NTN1: variants seen among roughly 807,000 people sequenced by gnomAD.
NTN1 encodes the protein netrin 1, also known as netrin-1.
Under a neutral mutation model 54.2 loss-of-function variants are expected in NTN1, and 11 were observed. The ratio of observed to expected loss-of-function variants is 0.20; its 90% confidence interval spans 0.13 to 0.34. The LOEUF is 0.34. Ranked by LOEUF, NTN1 falls within the 10% of genes least tolerant of loss-of-function variation. The pLI is 1.00. For missense variants in NTN1, 740 were observed against 893.1 expected (o/e 0.83, Z 2.18); for synonymous variants, 371 against 382.0 (o/e 0.97, Z 0.33).
rs146020999 is a variant in NTN1, at chr17:9,022,892, C to T, written c.519C>T (p.Pro173=). ...TGGACTACGGGCGCACGTGGGTGCC[C>T]TTCCAGTTCTACTCCACGCAGTGCC... The part of the protein sequence containing the change: ...KSMDYGRTWV[P]FQFYSTQCRK... Residue 173 remains proline, a synonymous_variant, in exon 2 of 7, where the codon CCC becomes CCT. Coordinates refer to ENST00000173229, the MANE Select transcript of NTN1 (RefSeq NM_004822.3). 2.0e-4 allele frequency: 325 copies of T among 1,612,312 alleles called. 2 individuals are homozygous for T. In the Middle Eastern group the frequency reaches 3.1e-3, roughly 16 times the overall value.
At chr17:9,141,145 CAAA>C (rs922197242) in intron 2 of NTN1, among the ~76,000 whole-genome samples, 1 of 151,760 alleles carries the variant, frequency 6.6e-6, no homozygotes, top group African/African-American at 2.4e-5. Flanking sequence ...GTCAGAAGCT[CAAA>C]GAAGATGTGG....
chr17:9,176,059 C>G (rs946141228), intron 3 of NTN1: 3 of 152,248 alleles, frequency 2.0e-5, no homozygotes, highest in African/African-American at 7.2e-5. Context: ...TAGGGAGGCT[C>G]TCTCTTTGTC....
At chr17:9,016,736 C>A (rs1204677015), upstream of NTN1, among the ~76,000 whole-genome samples, 1 of 152,104 alleles carries the variant, frequency 6.6e-6, no homozygotes, top group Non-Finnish European at 1.5e-5. Context: ...ATCATATCAG[C>A]CACCCACTCC....
intron 2 of NTN1, among the ~76,000 whole-genome samples, chr17:9,147,818 T>C (rs1370507547): frequency 1.3e-5 from 2 of 152,234 alleles, no homozygotes; most frequent in African/African-American, 4.8e-5. Context: ...TTAAATCTCA[T>C]AGACACTTTA....
chr17:9,221,349 C>A lies in NTN1; in HGVS notation c.1486+107C>A. 7.2e-6 allele frequency: 6 copies of A among 838,042 alleles called. No individual in the cohort carries two copies. Among genetic ancestry groups the A allele is most frequent in the South Asian group, 1.3e-5 (1 of 74,126 alleles). 51.9% of individuals were successfully genotyped at this position (838,042 alleles called of 1,614,324 possible). On this transcript the variant is annotated intron_variant, in intron 6 of 6. Transcript: ENST00000173229. The surrounding 1 kb of genome is among the most constrained non-coding windows in gnomAD (Gnocchi z 4.5). Reference sequence around the variant, plus strand: ...CCCCGATGGGTGTTGGTCGTGAAGACCCTGTGACCGATGGGAACTAGCCGG... The same window carrying A: ...CCCCGATGGGTGTTGGTCGTGAAGAACCTGTGACCGATGGGAACTAGCCGG...
At chr17:9,105,345 G>A (rs968482854) in intron 2 of NTN1, among the ~76,000 whole-genome samples, 1 of 152,118 alleles carries the variant, frequency 6.6e-6, no homozygotes, top group African/African-American at 2.4e-5. Flanking sequence ...TCACCTCTCC[G>A]GGCCTTTTCT....
chr17:9,227,864 TCA>T (rs1905650855), intron 6 of NTN1, among the ~76,000 whole-genome samples: 1 of 147,146 alleles, frequency 6.8e-6, no homozygotes, highest in South Asian at 2.2e-4. Flanking sequence ...GCACACCCCA[TCA>T]CACACCCCAT....
chr17:9,108,979 C>T (rs967489034), intron 2 of NTN1, among the ~76,000 whole-genome samples: 4 of 151,994 alleles, frequency 2.6e-5, no homozygotes, highest in African/African-American at 7.2e-5. Context: ...TGGGTTCAAG[C>T]GATTCTCCTG....
rs181698771 is a variant in NTN1 at position 9,186,235 on chromosome 17, T to C, written c.1411+3266T>C. Among the ~76,000 whole-genome samples, 474 of 152,360 alleles carry C rather than the reference T, an allele frequency of 3.1e-3. 4 individuals carry two copies. The highest frequency in any genetic ancestry group is 3.0e-3 in the Non-Finnish European group (206 of 68,032). On this transcript the variant is annotated intron_variant, in intron 5 of 6. Transcript: ENST00000173229. ...GGCTACCCAATGAGATGTCATTGAA[T>C]GTGAAGTTGGGAGAGGTGCATGACT...
At chr17:9,058,296 T>G (rs1049166918) in intron 2 of NTN1, among the ~76,000 whole-genome samples, 1 of 152,234 alleles carries the variant, frequency 6.6e-6, no homozygotes, top group East Asian at 1.9e-4. Context: ...ATCATCTGAA[T>G]CATTTTTGAA....
intron 2 of NTN1, among the ~76,000 whole-genome samples, chr17:9,152,237 C>G (rs959195019): frequency 6.6e-6 from 1 of 152,214 alleles, no homozygotes. Flanking sequence ...CGGGAACCCA[C>G]TGGCAGGAAC....
In NTN1 at chr17:9,194,271, G is replaced by A. The variant is rs142431980; in HGVS notation, c.1411+11302G>A. Among the ~76,000 whole-genome samples the A allele has an allele frequency of 2.0e-5, 3 of 152,200 alleles. No homozygotes were observed. The East Asian group carries it at 5.8e-4, about 29-fold the overall frequency. On this transcript the variant is annotated intron_variant, in intron 5 of 6. Transcript: ENST00000173229. ...ATTATGCAATGTTGTGATATATGAA[G>A]GACTCTATTTAGAAATGCATCTGGG... is the stretch of plus-strand genomic sequence containing the variant.
At chr17:9,088,333 T>C (rs183144856) in intron 2 of NTN1, among the ~76,000 whole-genome samples, 92 of 152,316 alleles carry the variant, frequency 6.0e-4, no homozygotes, top group African/African-American at 2.1e-3. Context: ...CCCTAGTAAG[T>C]GGGGATCAGG....
chr17:9,139,676 C>CT (rs2092291752), intron 2 of NTN1, among the ~76,000 whole-genome samples: 1 of 152,190 alleles, frequency 6.6e-6, no homozygotes, highest in Non-Finnish European at 1.5e-5. Flanking sequence ...TCCTCAGGGA[C>CT]TAACCATAAC....
chr17:9,224,525 T>C (rs182821971), intron 6 of NTN1, among the ~76,000 whole-genome samples: 25 of 152,314 alleles, frequency 1.6e-4, no homozygotes, highest in Middle Eastern at 6.8e-3. Flanking sequence ...GCTTGGGTCA[T>C]AGGCAGTGAC....
At chr17:9,010,023 A>G in the NTN1 span, among the ~76,000 whole-genome samples, 1 of 152,152 alleles carries the variant, frequency 6.6e-6, no homozygotes, top group Non-Finnish European at 1.5e-5. Flanking sequence ...CATACAGTAA[A>G]GCCCTTGGGA....
At chr17:9,016,567 C>T (rs1339268970), upstream of NTN1, among the ~76,000 whole-genome samples, 1 of 152,196 alleles carries the variant, frequency 6.6e-6, no homozygotes, top group Non-Finnish European at 1.5e-5. Context: ...CTAAGCTCTC[C>T]ATGTTACTCA....
At chr17:9,238,041 C>G (rs1906051454) in intron 6 of NTN1, among the ~76,000 whole-genome samples, 1 of 152,198 alleles carries the variant, frequency 6.6e-6, no homozygotes, top group Non-Finnish European at 1.5e-5. Flanking sequence ...GCATTCAGTG[C>G]TCTCCTGCAC....
chr17:9,142,600 A>G (rs2092301556), intron 2 of NTN1, among the ~76,000 whole-genome samples: 1 of 152,080 alleles, frequency 6.6e-6, no homozygotes, highest in African/African-American at 2.4e-5. Flanking sequence ...GGAAGGCTTG[A>G]AATAGGGAGG....
Sources: allele counts gnomAD v4.1 joint callset (sites outside exome capture counted in the v4.1 genomes callset), GRCh38; gene constraint gnomAD v4.1.1; non-coding constraint Gnocchi (gnomAD v3.1); transcripts MANE v1.5; gene names NCBI Gene and HGNC (gene_info 2026-07-23, HGNC 2026-07-21).